The following GRIP1 variants were observed in gnomAD, a reference collection of about 807,000 sequenced individuals.
GRIP1 encodes glutamate receptor-interacting protein 1.
Under a neutral mutation model 129.9 loss-of-function variants are expected in GRIP1, and 45 were observed. The observed-to-expected ratio is 0.35, with a 90% CI of 0.27 to 0.44. The LOEUF (loss-of-function observed/expected upper bound fraction) is 0.44, where lower values mean the gene tolerates loss of function less well. Among genes scored for constraint, GRIP1 ranks in the 20% least tolerant of loss-of-function variants. The probability of loss-of-function intolerance (pLI) is 1.00; values close to 1 mark genes in which losing one functional copy is unlikely to be tolerated. For synonymous variants in GRIP1, 530 were observed against 520.8 expected (o/e 1.02, Z -0.24); for missense variants, 1,196 against 1,396.8 (o/e 0.86, Z 2.29).
At chr12:66,944,903 G>A (rs1320391108) in intron 1 of GRIP1, among the ~76,000 whole-genome samples, 1 of 152,004 alleles carries the variant, frequency 6.6e-6, no homozygotes, top group Admixed American at 6.6e-5. Context: ...GGCAATTCTC[G>A]TGCCTCAGCC....
At chr12:66,982,745 G>A (rs2042257412) in intron 1 of GRIP1, among the ~76,000 whole-genome samples, 1 of 152,142 alleles carries the variant, frequency 6.6e-6, no homozygotes, top group African/African-American at 2.4e-5. Context: ...TGCCCCGATT[G>A]TAGTCTTGTG....
At chr12:66,776,195 T>A (rs185940034) in intron 1 of GRIP1, among the ~76,000 whole-genome samples, 22 of 152,304 alleles carry the variant, frequency 1.4e-4, no homozygotes, top group African/African-American at 4.8e-4. Context: ...ACAAAACAGA[T>A]AGAAGCAAAT....
intron 23 of GRIP1, among the ~76,000 whole-genome samples, chr12:66,358,036 G>C (rs2054574834): frequency 6.6e-6 from 1 of 152,126 alleles, no homozygotes; most frequent in Non-Finnish European, 1.5e-5. Context: ...TGAGATTACA[G>C]GCACCTGCCC....
intron 7 of GRIP1, among the ~76,000 whole-genome samples, chr12:66,478,323 A>G (rs1483589103): frequency 6.6e-6 from 1 of 152,224 alleles, no homozygotes; most frequent in Non-Finnish European, 1.5e-5. Context: ...CAAAACCACA[A>G]TGAGATATCA....
At chr12:66,769,652 A>G (rs193262239) in intron 1 of GRIP1, among the ~76,000 whole-genome samples, 42 of 152,230 alleles carry the variant, frequency 2.8e-4, no homozygotes, top group Non-Finnish European at 5.3e-4. Flanking sequence ...ACACTTCGTT[A>G]TCTCTCTTAT....
At chr12:66,671,086 A>G (rs2034057381) in intron 1 of GRIP1, among the ~76,000 whole-genome samples, 1 of 152,156 alleles carries the variant, frequency 6.6e-6, no homozygotes, top group African/African-American at 2.4e-5. Context: ...TTAAATCACA[A>G]TCTCTGGGGT....
intron 1 of GRIP1, among the ~76,000 whole-genome samples, chr12:66,994,347 T>A (rs1211228144): frequency 6.6e-6 from 1 of 151,488 alleles, no homozygotes; most frequent in African/African-American, 2.4e-5. Context: ...TATCTGAAAA[T>A]CAATTAAGGT....
At chr12:66,612,565 A>G (rs1477784874) in intron 1 of GRIP1, among the ~76,000 whole-genome samples, 4 of 152,082 alleles carry the variant, frequency 2.6e-5, no homozygotes, top group African/African-American at 7.2e-5. Context: ...TGAGCCTGGG[A>G]GGTTGAGGCT....
Position 66,432,450 on chromosome 12 carries a change from C to T in GRIP1, c.1768+98G>A. On this transcript the variant is annotated intron_variant, in intron 14 of 24. Coordinates refer to ENST00000359742, the MANE Select transcript of GRIP1 (RefSeq NM_001366722.1). The stretch of plus-strand genomic sequence containing the variant: ...TTTGTATCATGATATAAAAACTTCG[C>T]AAAGACATATAAAACATTTGTTACA... 6.8e-6 allele frequency: 5 copies of T among 735,136 alleles called. No homozygotes were observed. In the South Asian group the frequency reaches 8.0e-5, roughly 12 times the overall value. The allele number at this position is 735,136 out of a possible 1,614,324, so 45.5% of individuals were successfully genotyped here.
chr12:66,391,994 A>G (rs2056606984), intron 19 of GRIP1, among the ~76,000 whole-genome samples: 1 of 152,302 alleles, frequency 6.6e-6, no homozygotes, highest in Non-Finnish European at 1.5e-5. Context: ...CCTGTATTGA[A>G]CGAGCCACTT....
chr12:66,472,533 C>T (rs1222213917), intron 7 of GRIP1, among the ~76,000 whole-genome samples: 1 of 152,124 alleles, frequency 6.6e-6, no homozygotes, highest in Non-Finnish European at 1.5e-5. Context: ...TGGTGGCTGG[C>T]AAGATGGTCA....
intron 1 of GRIP1, among the ~76,000 whole-genome samples, chr12:67,062,959 T>C (rs898363271): frequency 6.6e-6 from 1 of 152,182 alleles, no homozygotes; most frequent in Non-Finnish European, 1.5e-5. Flanking sequence ...TATCCTAAGG[T>C]GTTAACAGAC....
At chr12:67,001,422 G>C (rs1333195205) in intron 1 of GRIP1, among the ~76,000 whole-genome samples, 1 of 152,160 alleles carries the variant, frequency 6.6e-6, no homozygotes, top group Non-Finnish European at 1.5e-5. Context: ...GTGAGACCCT[G>C]GGGTTACAGA....
chr12:66,764,578 A>G (rs561703020), intron 1 of GRIP1, among the ~76,000 whole-genome samples: 28 of 152,374 alleles, frequency 1.8e-4, no homozygotes, highest in Middle Eastern at 3.4e-3. Context: ...GGTTACAATT[A>G]CTGAAACCCC....
At chr12:66,774,684 C>A (rs1253393156) in intron 1 of GRIP1, among the ~76,000 whole-genome samples, 1 of 152,048 alleles carries the variant, frequency 6.6e-6, no homozygotes, top group Non-Finnish European at 1.5e-5. Context: ...ATAGGCTACA[C>A]GAATGGAAAT....
rs75224363 is a variant in GRIP1, at chr12:66,705,131, C to A, written c.-419-74795G>T. ...TAGGGCTGAAATCATTTTTACTTTT[C>A]TTTTTTCCCTAAGATTCCATGACAA... On this transcript the variant is annotated intron_variant, in intron 1 of 4. Transcript: ENST00000538373. 8.7e-3 allele frequency among the ~76,000 whole-genome samples: 1,325 copies of A among 152,044 alleles called. 10 individuals are homozygous for A. Among genetic ancestry groups the A allele is most frequent in the Middle Eastern group, 0.031 (9 of 294 alleles).
chr12:66,923,301 G>A (rs1174809465), intron 1 of GRIP1, among the ~76,000 whole-genome samples: 6 of 152,112 alleles, frequency 3.9e-5, no homozygotes, highest in Admixed American at 1.3e-4. Flanking sequence ...AGCTGAGATC[G>A]TACCACTGCA....
At position 66,455,554 on chromosome 12, in the gene GRIP1, C is replaced by T. The variant is rs1592355493; in HGVS notation, c.1209G>A (p.Val403=). 1.9e-6 allele frequency: 3 copies of T among 1,613,906 alleles called. No homozygotes were observed. The highest frequency in any genetic ancestry group is 2.5e-6 in the Non-Finnish European group (3 of 1,179,956). ...APPPNSPPAL[V]SSSFSPTSMS... ...TGGAGGTAGGAGAGAAGGATGAAGACACCAAAGCTGCTGCAAGAGAGTGAA... is the reference window on the plus strand; with the variant it reads ...TGGAGGTAGGAGAGAAGGATGAAGATACCAAAGCTGCTGCAAGAGAGTGAA... Residue 403 remains valine, a synonymous_variant, in exon 11 of 25, where the codon GTG becomes GTA. Transcript: ENST00000359742.
chr12:66,693,471 C>T (rs1426249929), intron 1 of GRIP1, among the ~76,000 whole-genome samples: 1 of 152,132 alleles, frequency 6.6e-6, no homozygotes, highest in South Asian at 2.1e-4. Context: ...ACTAGGGTTC[C>T]TTCATTCACT....
Sources: gnomAD v4.1 joint callset for allele counts (sites outside exome capture counted in the v4.1 genomes callset) on GRCh38, gnomAD v4.1.1 for gene constraint, MANE v1.5 for transcripts, NCBI Gene and HGNC (gene_info 2026-07-23, HGNC 2026-07-21) for gene names.